SUPT6H: variants seen among roughly 807,000 people sequenced by gnomAD.
SUPT6H encodes SPT6 homolog, histone chaperone and transcription elongation factor.
Under a neutral mutation model 222.3 loss-of-function variants are expected in SUPT6H, and 11 were observed. The ratio of observed to expected loss-of-function variants is 0.05; its 90% CI spans 0.03 to 0.08. The LOEUF (loss-of-function observed/expected upper bound fraction) is 0.08. SUPT6H is among the 10% of genes least tolerant of loss of function. The pLI is 1.00. For missense variants in SUPT6H, 1,422 were observed against 2,216.0 expected (o/e 0.64, Z 7.19); for synonymous variants, 762 against 801.2 (o/e 0.95, Z 0.83).
In SUPT6H at chr17:28,674,018, C is replaced by G. The variant is rs565116860; in HGVS notation, c.110-265C>G. Reference sequence around the variant, plus strand: ...CAAAGTTATTGGTGGCTATAATAATCTAGTAATGATTTTGAGAAGCCAAAG... The same window carrying G: ...CAAAGTTATTGGTGGCTATAATAATGTAGTAATGATTTTGAGAAGCCAAAG... On this transcript the variant is annotated intron_variant, in intron 2 of 36. Coordinates refer to ENST00000314616, the MANE Select transcript of SUPT6H (RefSeq NM_003170.5). 8.2e-4 allele frequency among the ~76,000 whole-genome samples: 125 copies of G among 152,256 alleles called. 1 individual carries two copies. The highest frequency in any genetic ancestry group is 2.9e-3 in the African/African-American group (122 of 41,554).
chr17:28,676,954 C>G (rs2030784786), intron 7 of SUPT6H, among the ~76,000 whole-genome samples: 2 of 151,748 alleles, frequency 1.3e-5, no homozygotes, highest in Admixed American at 6.6e-5. Flanking sequence ...TATGGCCAGG[C>G]ACGGTGGTTC....
At chr17:28,677,339 C>T (rs1392117246) in intron 7 of SUPT6H, among the ~76,000 whole-genome samples, 3 of 151,136 alleles carry the variant, frequency 2.0e-5, no homozygotes, top group Non-Finnish European at 2.9e-5. Flanking sequence ...GCTGAGATCG[C>T]GCCATTGCAC....
chr17:28,701,348 GGTATGA>G (rs1324752025), intron 36 of SUPT6H, 85 bp from the exon 37 acceptor site: 11 of 1,512,332 alleles, frequency 7.3e-6, no homozygotes, highest in Non-Finnish European at 9.9e-6. Context: ...GCTGCCCATA[GGTATGA>G]GGTTCCTTTC....
rs551454119 is a variant in SUPT6H, at chr17:28,678,333, C to T, written c.1116+141C>T. 2.1e-4 allele frequency: 179 copies of T among 868,826 alleles called. No homozygotes were observed. In the African/African-American group the frequency reaches 2.7e-3, roughly 13 times the overall value. The allele number at this position is 868,826 out of a possible 1,614,324, so 53.8% of individuals were successfully genotyped here. On this transcript the variant is annotated intron_variant, in intron 9 of 36. Coordinates refer to ENST00000314616, the MANE Select transcript of SUPT6H (RefSeq NM_003170.5). ...AACAAGTGTTAGGACCAGCAGAGACCCTAGTGATCGTAAGAACAATGCTAC... is the reference window on the plus strand; with the variant it reads ...AACAAGTGTTAGGACCAGCAGAGACTCTAGTGATCGTAAGAACAATGCTAC...
chr17:28,673,588 C>A, intron 2 of SUPT6H, 78 bp downstream of exon 2: 2 of 1,103,304 alleles, frequency 1.8e-6, no homozygotes, highest in Non-Finnish European at 2.7e-6. Flanking sequence ...ATGAAAAGCT[C>A]AGGCTCAGCA....
intron 29 of SUPT6H, among the ~76,000 whole-genome samples, chr17:28,695,844 GAA>G (rs967967197): frequency 2.6e-5 from 4 of 152,192 alleles, no homozygotes; most frequent in Non-Finnish European, 1.5e-5. Flanking sequence ...CAGAGAAGGT[GAA>G]AGAGTCTCAG....
chr17:28,680,595 CA>C (rs2031047368), intron 11 of SUPT6H, among the ~76,000 whole-genome samples: 1 of 152,074 alleles, frequency 6.6e-6, no homozygotes, highest in South Asian at 2.1e-4. Flanking sequence ...GACTCCATCT[CA>C]AAAAAATAAA....
At chr17:28,699,739 TC>T in intron 32 of SUPT6H, 41 bp from the exon 33 acceptor site, 3 of 1,549,988 alleles carry the variant, frequency 1.9e-6, no homozygotes, top group South Asian at 2.2e-5. Flanking sequence ...TTGTGGTGGG[TC>T]CCAAGTGGTT....
intron 13 of SUPT6H, 101 bp downstream of exon 13, chr17:28,682,081 C>A: frequency 2.2e-6 from 2 of 890,536 alleles, no homozygotes; most frequent in South Asian, 3.3e-5. Flanking sequence ...CTATCTGGGT[C>A]AATCACCAAT....
In SUPT6H at chr17:28,684,736, AT is replaced by A; in HGVS notation, c.2369+16del. 6.2e-7 allele frequency: 1 copy of A among 1,614,044 alleles called. No individual in the cohort carries two copies. The highest frequency in any genetic ancestry group is 2.2e-5 in the East Asian group (1 of 44,876). On this transcript the variant is annotated intron_variant, in intron 18 of 36. Transcript: ENST00000314616. Reference sequence around the variant, plus strand: ...TTTCTCCTCTGCCAGGTAACAGCCTATTTTTGCCTCCCCAGCACCATCTCTT... The same window carrying A: ...TTTCTCCTCTGCCAGGTAACAGCCTATTTTGCCTCCCCAGCACCATCTCTT...
chr17:28,666,772 G>A (rs557427638), intron 1 of SUPT6H, among the ~76,000 whole-genome samples: 3 of 152,058 alleles, frequency 2.0e-5, no homozygotes, highest in East Asian at 3.9e-4. Context: ...GGCTGGTCTC[G>A]AGCGTCTGAC....
chr17:28,687,963 A>G, intron 23 of SUPT6H, 128 bp from the exon 24 acceptor site: 1 of 1,050,054 alleles, frequency 9.5e-7, no homozygotes, highest in Non-Finnish European at 1.3e-6. Context: ...GGTCGATAGC[A>G]TGCTGTAGTG....
At position 28,674,427 on chromosome 17, in the gene SUPT6H, A is replaced by G; in HGVS notation, c.254A>G (p.Lys85Arg). The change falls in exon 3 of 37, where the codon AAG (lysine) becomes AGG (arginine). Residue 85 changes from lysine (K) to arginine (R), a missense_variant. Lys to Arg is a conservative substitution (Grantham distance 26). Transcript: ENST00000314616. ...SGDSEDDVGH[K>R]KRKRTSFDDR... ...GATTCAGAAGATGATGTTGGCCACA[A>G]GAAGAGAAAACGCAGTGAGTAGTCT... The G allele has an allele frequency of 6.2e-7, 1 of 1,613,904 alleles. No individual in the cohort carries two copies. The highest frequency in any genetic ancestry group is 8.5e-7 in the Non-Finnish European group (1 of 1,179,874).
intron 28 of SUPT6H, among the ~76,000 whole-genome samples, chr17:28,694,485 G>C (rs554383244): frequency 6.6e-6 from 1 of 152,206 alleles, no homozygotes. Flanking sequence ...TGATATAGCT[G>C]ATAGCAGCTC....
intron 1 of SUPT6H, among the ~76,000 whole-genome samples, chr17:28,667,405 G>GTGTATATATATA (rs1465539733): frequency 2.0e-5 from 1 of 49,302 alleles, no homozygotes; most frequent in African/African-American, 8.0e-5. Flanking sequence ...GTGTGTGTGT[G>GTGTATATATATA]TATATATATA....
chr17:28,678,473 A>G (rs2030889281), intron 9 of SUPT6H, 72 bp from the exon 10 acceptor site: 1 of 1,442,712 alleles, frequency 6.9e-7, no homozygotes, highest in East Asian at 2.3e-5. Context: ...CCAGGAAGTC[A>G]TTATCTACTG....
Position 28,674,662 on chromosome 17 carries a change from C to G in SUPT6H, c.345+49C>G, listed in dbSNP as rs1471224003. On this transcript the variant is annotated intron_variant, in intron 4 of 36. Transcript: ENST00000314616. ...GTCCCTGGGGGTAAAGGAAAAAGCC[C>G]TGGAAATTTCAATGTCTGTGGGTGA... 6 of 1,576,364 alleles carry G rather than the reference C, an allele frequency of 3.8e-6. No individual in the cohort carries two copies. The East Asian group carries it at 1.3e-4, about 35-fold the overall frequency.
Position 28,701,673 on chromosome 17 carries a change from T to C in SUPT6H, c.*48T>C. On this transcript the variant is annotated 3_prime_UTR_variant, in exon 37 of 37. Coordinates refer to ENST00000314616, the MANE Select transcript of SUPT6H (RefSeq NM_003170.5). Reference sequence around the variant, plus strand: ...GTTACCTCTGAGGCTGGGAAAGGCCTGGCTGCCCACTGCCTCCCTCCCTGC... The same window carrying C: ...GTTACCTCTGAGGCTGGGAAAGGCCCGGCTGCCCACTGCCTCCCTCCCTGC... 6.5e-7 allele frequency: 1 copy of C among 1,546,906 alleles called. No homozygotes were observed. Among genetic ancestry groups the C allele is most frequent in the Non-Finnish European group, 8.8e-7 (1 of 1,141,286 alleles).
At position 28,697,655 on chromosome 17, in the gene SUPT6H, T is replaced by C; in HGVS notation, c.4245T>C (p.Tyr1415=). 1 of 1,614,218 alleles carries C rather than the reference T, an allele frequency of 6.2e-7. No individual in the cohort carries two copies. Among genetic ancestry groups the C allele is most frequent in the Non-Finnish European group, 8.5e-7 (1 of 1,180,042 alleles). ...ATTTGGATGAGATTGTTGCTCGCTATGTCCAGCCCATGGCATCCTTTGCCC... is the reference window on the plus strand; with the variant it reads ...ATTTGGATGAGATTGTTGCTCGCTACGTCCAGCCCATGGCATCCTTTGCCC... ...FEDLDEIVAR[Y]VQPMASFARD... Residue 1415 remains tyrosine, a synonymous_variant, in exon 31 of 37, where the codon TAT becomes TAC. Transcript: ENST00000314616.
Sources: gnomAD v4.1 joint callset for allele counts (sites outside exome capture counted in the v4.1 genomes callset) on GRCh38, gnomAD v4.1.1 for gene constraint, MANE v1.5 for transcripts, NCBI Gene and HGNC (gene_info 2026-07-23, HGNC 2026-07-21) for gene names.